ATP10B: variants seen among roughly 807,000 people sequenced by gnomAD.
The protein encoded by ATP10B is phospholipid-transporting ATPase VB.
In ATP10B, 122 loss-of-function variants were observed where a neutral mutation model predicts 141.2. That is an observed-to-expected ratio of 0.86 (90% CI 0.75 to 1.00). ATP10B has a LOEUF of 1.00. Among genes scored for constraint, ATP10B ranks in the 50% least tolerant of loss-of-function variants. The probability of loss-of-function intolerance (pLI) is 0.00; values close to 1 mark genes in which losing one functional copy is unlikely to be tolerated. For synonymous variants in ATP10B, 685 were observed against 692.0 expected (o/e 0.99, Z 0.16); for missense variants, 1,876 against 1,825.3 (o/e 1.03, Z -0.51).
intron 1 of ATP10B, among the ~76,000 whole-genome samples, chr5:160,814,920 C>A (rs892960463): frequency 2.0e-5 from 3 of 152,116 alleles, no homozygotes; most frequent in Non-Finnish European, 4.4e-5. Context: ...AAATCCTTTA[C>A]AGAGAAGCAA....
the ATP10B span, among the ~76,000 whole-genome samples, chr5:160,887,231 A>G: frequency 6.6e-6 from 1 of 152,210 alleles, no homozygotes; most frequent in Non-Finnish European, 1.5e-5. Flanking sequence ...AAAATGGTAC[A>G]CTATTTGTGT....
chr5:160,808,180 G>A (rs2127942724), intron 1 of ATP10B, among the ~76,000 whole-genome samples: 1 of 152,276 alleles, frequency 6.6e-6, no homozygotes, highest in African/African-American at 2.4e-5. Context: ...CTGAATATTA[G>A]AATGCGTTGA....
intron 1 of ATP10B, among the ~76,000 whole-genome samples, chr5:160,811,967 C>A (rs1289610078): frequency 6.6e-6 from 1 of 151,128 alleles, no homozygotes; most frequent in Non-Finnish European, 1.5e-5. Flanking sequence ...CTGTGTTACT[C>A]CACCCCCAGC....
chr5:160,872,429 T>A, the ATP10B span, among the ~76,000 whole-genome samples: 1 of 152,156 alleles, frequency 6.6e-6, no homozygotes, highest in Non-Finnish European at 1.5e-5. Context: ...TGCTTTTGGG[T>A]TCTTGATCAT....
Position 160,565,390 on chromosome 5 carries a change from A to G in ATP10B, c.*63T>C, listed in dbSNP as rs1754468835. 2.0e-6 allele frequency: 3 copies of G among 1,509,750 alleles called. No homozygotes were observed. The highest frequency in any genetic ancestry group is 1.7e-5 in the Admixed American group (1 of 57,336). 93.5% of individuals were successfully genotyped at this position (1,509,750 alleles called of 1,614,324 possible). Reference sequence around the variant, plus strand: ...TTTCCTCTATGAAGAAGAAGGGGTCAAGGGTTATGTGGACCAGTGACTAGG... The same window carrying G: ...TTTCCTCTATGAAGAAGAAGGGGTCGAGGGTTATGTGGACCAGTGACTAGG... On this transcript the variant is annotated 3_prime_UTR_variant, in exon 26 of 26. Transcript: ENST00000327245.
At chr5:160,635,363 G>A (rs1354114646) in intron 11 of ATP10B, among the ~76,000 whole-genome samples, 2 of 145,040 alleles carry the variant, frequency 1.4e-5, no homozygotes, top group African/African-American at 2.4e-5. Flanking sequence ...AGAGGGCTGC[G>A]AGGGGAGGTC....
At chr5:160,828,817 A>G (rs907048958) in intron 1 of ATP10B, among the ~76,000 whole-genome samples, 3 of 151,524 alleles carry the variant, frequency 2.0e-5, no homozygotes, top group African/African-American at 7.3e-5. Flanking sequence ...CAAATGCCCA[A>G]CAATGATAGA....
Position 160,739,324 on chromosome 5 carries a change from C to T in ATP10B, c.-330-22290G>A, listed in dbSNP as rs568717867. Among the ~76,000 whole-genome samples the T allele has an allele frequency of 1.2e-3, 181 of 152,050 alleles. 1 individual carries two copies. Among genetic ancestry groups the T allele is most frequent in the African/African-American group, 4.2e-3 (174 of 41,494 alleles). ...TTTATTCAACATTAGATTAGGGTAG[C>T]CAGGCAGTGCAATAAGGCAGACAAA... On this transcript the variant is annotated intron_variant, in intron 2 of 25. Coordinates refer to ENST00000327245, the MANE Select transcript of ATP10B (RefSeq NM_025153.3).
At chr5:160,813,383 T>G (rs945940340) in intron 1 of ATP10B, among the ~76,000 whole-genome samples, 1 of 152,170 alleles carries the variant, frequency 6.6e-6, no homozygotes, top group Non-Finnish European at 1.5e-5. Flanking sequence ...GCCTCGCTCA[T>G]TGCTAGCACA....
At chr5:160,863,577 C>T in the ATP10B span, among the ~76,000 whole-genome samples, 1 of 151,706 alleles carries the variant, frequency 6.6e-6, no homozygotes, top group Non-Finnish European at 1.5e-5. Context: ...CAAACCAAAT[C>T]CAAACTCAGC....
At chr5:160,778,676 C>CT (rs76351688) in intron 2 of ATP10B, among the ~76,000 whole-genome samples, 24,264 of 152,134 alleles carry the variant, frequency 0.16, 2,242 homozygotes, top group East Asian at 0.27. Flanking sequence ...AAAATATTGA[C>CT]TTTTTTAAAA....
chr5:160,685,757 T>G (rs1446483135), intron 6 of ATP10B, among the ~76,000 whole-genome samples: 1 of 152,212 alleles, frequency 6.6e-6, no homozygotes, highest in African/African-American at 2.4e-5. Flanking sequence ...TAAACAAGTT[T>G]TCTCAGCCTC....
the ATP10B span, among the ~76,000 whole-genome samples, chr5:160,874,546 C>T: frequency 4.6e-5 from 7 of 152,184 alleles, no homozygotes; most frequent in East Asian, 1.9e-4. Context: ...ATGACTTTGA[C>T]GAGCTGAGAG....
At chr5:160,724,514 A>T (rs1766203718) in intron 2 of ATP10B, among the ~76,000 whole-genome samples, 1 of 152,164 alleles carries the variant, frequency 6.6e-6, no homozygotes. Flanking sequence ...AAAGTACCAT[A>T]ACTATAATTC....
the ATP10B span, among the ~76,000 whole-genome samples, chr5:160,911,992 T>C: frequency 6.6e-6 from 1 of 152,172 alleles, no homozygotes; most frequent in South Asian, 2.1e-4. Context: ...AACACTTTGC[T>C]ATGTGTAAAG....
At chr5:160,603,786 G>C in intron 20 of ATP10B, 179 bp downstream of exon 20, 1 of 548,822 alleles carries the variant, frequency 1.8e-6, no homozygotes, top group Non-Finnish European at 3.3e-6. Flanking sequence ...TTGACACTAC[G>C]AAAGTGTACA....
At chr5:160,689,411 G>A (rs1167304352) in intron 3 of ATP10B, among the ~76,000 whole-genome samples, 2 of 152,030 alleles carry the variant, frequency 1.3e-5, no homozygotes, top group African/African-American at 2.4e-5. Context: ...AAAGGTATTC[G>A]AATAGGAAGA....
Position 160,838,429 on chromosome 5 carries a change from C to T in ATP10B, c.-576+13512G>A, listed in dbSNP as rs115406066. 6.0e-3 allele frequency among the ~76,000 whole-genome samples: 916 copies of T among 152,224 alleles called. 13 individuals carry two copies. Among genetic ancestry groups the T allele is most frequent in the African/African-American group, 0.021 (872 of 41,558 alleles). ...GGGCCAACCACTTGCATCTTGAGTG[C>T]CAAATCCCATTCCACTTCTGTTCTC... On this transcript the variant is annotated intron_variant, in intron 1 of 25. Coordinates refer to ENST00000327245, the MANE Select transcript of ATP10B (RefSeq NM_025153.3).
At chr5:160,690,386 C>T (rs1226712143) in intron 3 of ATP10B, among the ~76,000 whole-genome samples, 1 of 152,126 alleles carries the variant, frequency 6.6e-6, no homozygotes, top group Non-Finnish European at 1.5e-5. Flanking sequence ...AGCTTCTGCA[C>T]AGCAAAAGAA....
Sources: allele counts gnomAD v4.1 joint callset (sites outside exome capture counted in the v4.1 genomes callset), GRCh38; gene constraint gnomAD v4.1.1; transcripts MANE v1.5; gene names NCBI Gene and HGNC (gene_info 2026-07-23, HGNC 2026-07-21).